FAM171A1: variants seen among roughly 807,000 people sequenced by gnomAD.
The protein encoded by FAM171A1 is protein FAM171A1.
Under a neutral mutation model 74.9 loss-of-function variants are expected in FAM171A1, and 23 were observed. That is an observed-to-expected ratio of 0.31 (90% confidence interval 0.22 to 0.44). The LOEUF is 0.44. FAM171A1 is among the 20% of genes least tolerant of loss of function. The pLI is 1.00. For missense variants in FAM171A1, 1,162 were observed against 1,159.2 expected (o/e 1.00, Z -0.03); for synonymous variants, 527 against 505.7 (o/e 1.04, Z -0.57).
rs775845660 is a variant in FAM171A1, at chr10:15,254,893, C to A, written c.419-14G>T. 6.2e-7 allele frequency: 1 copy of A among 1,608,684 alleles called. No homozygotes were observed. Among genetic ancestry groups the A allele is most frequent in the African/African-American group, 1.3e-5 (1 of 74,908 alleles). ...GTGGCCGGGCACCTGCAGAGATTAA[C>A]CTCCGAGTTATCTCCCCCAGGAGCA... On this transcript the variant is annotated splice_polypyrimidine_tract_variant and intron_variant, in intron 3 of 7. Transcript: ENST00000378116.
intron 1 of FAM171A1, among the ~76,000 whole-genome samples, chr10:15,305,660 T>C (rs1835283868): frequency 3.3e-5 from 1 of 30,240 alleles, no homozygotes; most frequent in Admixed American, 4.0e-4. Flanking sequence ...GAGTGAGATC[T>C]GGCTAAAAAA....
At chr10:15,312,922 T>A (rs935907435) in intron 1 of FAM171A1, among the ~76,000 whole-genome samples, 3 of 151,962 alleles carry the variant, frequency 2.0e-5, no homozygotes, top group Admixed American at 6.6e-5. Context: ...CTCGAACTCC[T>A]GACCTCAGGT....
At chr10:15,255,755 C>T (rs574989869) in intron 3 of FAM171A1, among the ~76,000 whole-genome samples, 12 of 151,652 alleles carry the variant, frequency 7.9e-5, no homozygotes, top group Middle Eastern at 3.4e-3. Flanking sequence ...TCAAGCGATT[C>T]CCCTGCCTCA....
chr10:15,286,294 T>G (rs1225286802), intron 1 of FAM171A1, among the ~76,000 whole-genome samples: 1 of 152,182 alleles, frequency 6.6e-6, no homozygotes, highest in Non-Finnish European at 1.5e-5. Flanking sequence ...TTTGTTTGTT[T>G]GTTTAGATGG....
Position 15,354,077 on chromosome 10 carries a change from G to A in FAM171A1, c.97+16879C>T, listed in dbSNP as rs118079371. Among the ~76,000 whole-genome samples the A allele has an allele frequency of 1.8e-4, 27 of 152,316 alleles. No individual in the cohort carries two copies. In the East Asian group the frequency reaches 3.5e-3, roughly 20 times the overall value. On this transcript the variant is annotated intron_variant, in intron 1 of 7. Transcript: ENST00000378116. ...CCCTTCTGGGACATGGACAGCCCAG[G>A]TGTGTGCCTGCTGAGCTAGTGATTA...
intron 1 of FAM171A1, among the ~76,000 whole-genome samples, chr10:15,353,642 G>A (rs1236459623): frequency 6.6e-6 from 1 of 152,188 alleles, no homozygotes; most frequent in South Asian, 2.1e-4. Context: ...CACTAATTCT[G>A]TCTCCATGCA....
At chr10:15,319,457 G>C (rs1026111451) in intron 1 of FAM171A1, among the ~76,000 whole-genome samples, 8 of 152,104 alleles carry the variant, frequency 5.3e-5, no homozygotes, top group African/African-American at 1.7e-4. Context: ...TTTTGACATG[G>C]AGTCTCACCC....
At chr10:15,371,321 C>CGCT (rs1836146185), upstream of FAM171A1, among the ~76,000 whole-genome samples, 1 of 145,738 alleles carries the variant, frequency 6.9e-6, no homozygotes, top group Non-Finnish European at 1.5e-5. Context: ...CCGCCGCCGC[C>CGCT]GCTGCCCGCG....
At chr10:15,370,894 C>T (rs1836135784) in intron 1 of FAM171A1, 62 bp downstream of exon 1, 6 of 851,252 alleles carry the variant, frequency 7.0e-6, no homozygotes, top group Non-Finnish European at 8.5e-6. Context: ...CCGCCGCCGC[C>T]GCCGCCTCCG....
intron 1 of FAM171A1, among the ~76,000 whole-genome samples, chr10:15,346,707 A>T (rs998130377): frequency 6.6e-6 from 1 of 152,188 alleles, no homozygotes; most frequent in South Asian, 2.1e-4. Context: ...GTATGGGTCC[A>T]GCACACCCAA....
chr10:15,341,261 C>G (rs1454455026), intron 1 of FAM171A1, among the ~76,000 whole-genome samples: 1 of 152,148 alleles, frequency 6.6e-6, no homozygotes, highest in Non-Finnish European at 1.5e-5. Flanking sequence ...AACAAAACAC[C>G]TCTGCTTAGC....
intron 5 of FAM171A1, among the ~76,000 whole-genome samples, chr10:15,229,897 TCATCACCATCACCACCATCACCAA>T (rs1290485787): frequency 1.2e-4 from 9 of 75,776 alleles, no homozygotes; most frequent in African/African-American, 4.9e-4. Flanking sequence ...ACCATCACCA[TCATCACCATCACCACCATCACCAA>T]CATCATCATC....
intron 1 of FAM171A1, among the ~76,000 whole-genome samples, chr10:15,322,954 A>T: frequency 6.6e-6 from 1 of 150,748 alleles, no homozygotes; most frequent in South Asian, 2.1e-4. Context: ...AGCCTGGCCA[A>T]CATGGCGAAA....
rs549813191 is a variant in FAM171A1 at position 15,283,764 on chromosome 10, T to C, written c.325+114A>G. The C allele has an allele frequency of 1.5e-3, 1,506 of 993,598 alleles. 12 individuals carry two copies. The highest frequency in any genetic ancestry group is 0.011 in the South Asian group (702 of 62,364). The allele number at this position is 993,598 out of a possible 1,614,324, so 61.5% of individuals were successfully genotyped here. A position where few individuals can be genotyped will look rare whatever the true frequency, so the allele number is the denominator to read the frequency against. ...GATGCCTGGCTAATTTTAAATTTTTTTGTAGAGATGCAGTCTCACTATGTT... is the reference window on the plus strand; with the variant it reads ...GATGCCTGGCTAATTTTAAATTTTTCTGTAGAGATGCAGTCTCACTATGTT... On this transcript the variant is annotated intron_variant, in intron 2 of 7. Coordinates refer to ENST00000378116, the MANE Select transcript of FAM171A1 (RefSeq NM_001010924.2).
chr10:15,321,531 G>A (rs1404796491), intron 1 of FAM171A1, among the ~76,000 whole-genome samples: 1 of 152,114 alleles, frequency 6.6e-6, no homozygotes, highest in Non-Finnish European at 1.5e-5. Context: ...GTCAAATAGT[G>A]GATTTCCAAT....
At chr10:15,335,955 T>C (rs745359811) in intron 1 of FAM171A1, among the ~76,000 whole-genome samples, 4 of 152,200 alleles carry the variant, frequency 2.6e-5, no homozygotes, top group Non-Finnish European at 4.4e-5. Flanking sequence ...GCTTTCATTA[T>C]TTACCTTGCA....
At chr10:15,270,966 C>T (rs963965922) in intron 3 of FAM171A1, among the ~76,000 whole-genome samples, 1 of 152,150 alleles carries the variant, frequency 6.6e-6, no homozygotes, top group African/African-American at 2.4e-5. Flanking sequence ...AAAATCAGAG[C>T]GCCTATTCTC....
intron 5 of FAM171A1, among the ~76,000 whole-genome samples, chr10:15,234,647 A>C (rs1177493187): frequency 6.7e-6 from 1 of 150,064 alleles, no homozygotes; most frequent in Non-Finnish European, 1.5e-5. Flanking sequence ...GACCGATCAG[A>C]TGTACTTTTC....
intron 1 of FAM171A1, among the ~76,000 whole-genome samples, chr10:15,324,614 G>A (rs1835527597): frequency 6.6e-6 from 1 of 152,028 alleles, no homozygotes; most frequent in African/African-American, 2.4e-5. Context: ...GGTTTTCAGT[G>A]GTGGCTTCAC....
Sources: gnomAD v4.1 joint callset for allele counts (sites outside exome capture counted in the v4.1 genomes callset) on GRCh38, gnomAD v4.1.1 for gene constraint, MANE v1.5 for transcripts, NCBI Gene and HGNC (gene_info 2026-07-23, HGNC 2026-07-21) for gene names.